RXRA: variants seen among roughly 807,000 people sequenced by gnomAD.
RXRA encodes retinoid X receptor alpha, also known as retinoic acid receptor RXR-alpha.
In RXRA, 5 loss-of-function variants were observed where a neutral mutation model predicts 44.5. That is an observed-to-expected ratio of 0.11 (90% CI 0.06 to 0.24). The LOEUF (loss-of-function observed/expected upper bound fraction) is 0.24, where lower values mean the gene tolerates loss of function less well. Among genes scored for constraint, RXRA ranks in the 10% least tolerant of loss-of-function variants. The probability of loss-of-function intolerance (pLI) is 1.00; values close to 1 mark genes in which losing one functional copy is unlikely to be tolerated. For missense variants in RXRA, 412 were observed against 646.5 expected (o/e 0.64, Z 3.93); for synonymous variants, 291 against 271.4 (o/e 1.07, Z -0.71).
At chr9:134,360,581 G>A (rs1237249731) in intron 1 of RXRA, among the ~76,000 whole-genome samples, 1 of 152,274 alleles carries the variant, frequency 6.6e-6, no homozygotes, top group African/African-American at 2.4e-5. Context: ...GTCGCTCGCG[G>A]TTACCTGCCG....
chr9:134,386,211 G>A lies in RXRA; in HGVS notation c.29-15421G>A, dbSNP rs549983730. ...ACCTCCCTCAGGCCCCTTCCTGCCC[G>A]CTCAGCCGCCGCGCTGCATCACCCG... On this transcript the variant is annotated intron_variant, in intron 1 of 9. Transcript: ENST00000481739. 4.6e-5 allele frequency among the ~76,000 whole-genome samples: 7 copies of A among 152,344 alleles called. No homozygotes were observed. The East Asian group carries it at 9.7e-4, about 21-fold the overall frequency.
chr9:134,406,646 C>A (rs1480795651), intron 2 of RXRA, among the ~76,000 whole-genome samples: 1 of 152,178 alleles, frequency 6.6e-6, no homozygotes, highest in African/African-American at 2.4e-5. Flanking sequence ...CGGAGCCCAG[C>A]ACGGGGCAGG....
At chr9:134,368,934 G>C in intron 1 of RXRA, among the ~76,000 whole-genome samples, 1 of 136,762 alleles carries the variant, frequency 7.3e-6, no homozygotes, top group South Asian at 2.3e-4. Context: ...TGAGTGCGGG[G>C]GTTATGTATG....
intron 1 of RXRA, among the ~76,000 whole-genome samples, chr9:134,341,093 C>G (rs1459489778): frequency 6.6e-6 from 1 of 152,180 alleles, no homozygotes; most frequent in Non-Finnish European, 1.5e-5. Flanking sequence ...ATGGGAGGGT[C>G]CTGGTGGGGA....
intron 1 of RXRA, among the ~76,000 whole-genome samples, chr9:134,336,412 G>C (rs994784668): frequency 6.6e-6 from 1 of 152,206 alleles, no homozygotes; most frequent in Non-Finnish European, 1.5e-5. Flanking sequence ...TCACAGCCCG[G>C]GTCTTCTCTG....
chr9:134,429,838 C>T (rs984140349), intron 7 of RXRA, among the ~76,000 whole-genome samples: 2 of 152,114 alleles, frequency 1.3e-5, no homozygotes, highest in African/African-American at 4.8e-5. Context: ...CTGGCCAACT[C>T]CGCTCTGCCA....
At chr9:134,416,530 G>A (rs1342244099) in intron 4 of RXRA, among the ~76,000 whole-genome samples, 1 of 152,208 alleles carries the variant, frequency 6.6e-6, no homozygotes. Context: ...GTGTGGCCAG[G>A]GTGGGGCCGG....
intron 1 of RXRA, among the ~76,000 whole-genome samples, chr9:134,333,862 C>T (rs895026414): frequency 2.0e-5 from 3 of 152,210 alleles, no homozygotes; most frequent in Non-Finnish European, 4.4e-5. Flanking sequence ...CTGGGCAGCC[C>T]TGTGCCTCTG....
intron 2 of RXRA, chr9:134,406,463 A>G (rs919115312): frequency 6.6e-6 from 1 of 152,088 alleles, no homozygotes. Context: ...CGACGAGGAA[A>G]CTCAGGCTCA....
At chr9:134,339,965 G>A (rs1032196889) in intron 1 of RXRA, among the ~76,000 whole-genome samples, 8 of 152,142 alleles carry the variant, frequency 5.3e-5, no homozygotes, top group African/African-American at 1.9e-4. Flanking sequence ...GAGCCTGTCT[G>A]TGTGCACCCG....
chr9:134,396,298 C>T (rs1588285644), intron 1 of RXRA, among the ~76,000 whole-genome samples: 1 of 152,146 alleles, frequency 6.6e-6, no homozygotes, highest in Non-Finnish European at 1.5e-5. Context: ...CCACTTCCTT[C>T]CTCTTCCTCC....
At chr9:134,389,390 C>T (rs1180735600) in intron 1 of RXRA, among the ~76,000 whole-genome samples, 4 of 152,054 alleles carry the variant, frequency 2.6e-5, no homozygotes, top group Admixed American at 1.3e-4. Context: ...GGCCTGGCCC[C>T]AGGGGGTTAG....
chr9:134,353,566 CCCACGAGT>C (rs1554749730), intron 1 of RXRA, among the ~76,000 whole-genome samples: 1 of 152,212 alleles, frequency 6.6e-6, no homozygotes, highest in Admixed American at 6.5e-5. Context: ...CTTCCACGGC[CCCACGAGT>C]CCACGAGCCC....
intron 1 of RXRA, among the ~76,000 whole-genome samples, chr9:134,382,204 G>A (rs1241945243): frequency 6.6e-6 from 1 of 152,136 alleles, no homozygotes; most frequent in Non-Finnish European, 1.5e-5. Flanking sequence ...GCTGGCGTCT[G>A]CCTCCCCGCC....
chr9:134,357,564 C>T (rs1386693662), intron 1 of RXRA, among the ~76,000 whole-genome samples: 1 of 152,002 alleles, frequency 6.6e-6, no homozygotes, highest in Non-Finnish European at 1.5e-5. Context: ...TGGGAGACCC[C>T]CAGACCTGAG....
At chr9:134,345,986 T>C (rs782229482) in intron 1 of RXRA, among the ~76,000 whole-genome samples, 2 of 152,082 alleles carry the variant, frequency 1.3e-5, no homozygotes, top group South Asian at 4.1e-4. Flanking sequence ...TCCTGATACA[T>C]GTGCGTCTTA....
intron 1 of RXRA, among the ~76,000 whole-genome samples, chr9:134,398,864 A>T (rs1830919041): frequency 1.3e-5 from 2 of 152,204 alleles, no homozygotes; most frequent in South Asian, 2.1e-4. Context: ...TGCAGTGCTG[A>T]GGTTTGGGCT....
rs1356430083 is a variant in RXRA, at chr9:134,343,757, C to A, written c.28+17098C>A. On this transcript the variant is annotated intron_variant, in intron 1 of 9. Coordinates refer to ENST00000481739, the MANE Select transcript of RXRA (RefSeq NM_002957.6). The surrounding 1 kb of genome is among the most constrained non-coding windows in gnomAD (Gnocchi z 4.1). ...CCATCCGCCCGTCCCCAGCCGGGCG[C>A]GGCACTGAGCTGAGGGAGCCTGCGT... is the stretch of plus-strand genomic sequence containing the variant. 6.6e-6 allele frequency among the ~76,000 whole-genome samples: 1 copy of A among 152,126 alleles called. No individual in the cohort carries two copies. The highest frequency in any genetic ancestry group is 2.4e-5 in the African/African-American group (1 of 41,428).
intron 1 of RXRA, among the ~76,000 whole-genome samples, chr9:134,390,198 G>A (rs1830779572): frequency 6.6e-6 from 1 of 152,200 alleles, no homozygotes; most frequent in Non-Finnish European, 1.5e-5. Context: ...GGGCTTAAGG[G>A]AAGGGGAGGG....
Sources: allele counts gnomAD v4.1 joint callset (sites outside exome capture counted in the v4.1 genomes callset), GRCh38; gene constraint gnomAD v4.1.1; non-coding constraint Gnocchi (gnomAD v3.1); transcripts MANE v1.5; gene names NCBI Gene and HGNC (gene_info 2026-07-23, HGNC 2026-07-21).